KSR2: variants seen among roughly 807,000 people sequenced by gnomAD.
KSR2 encodes kinase suppressor of ras 2.
KSR2 carries 25 observed loss-of-function variants against 107.8 expected under a neutral mutation model. The observed-to-expected ratio is 0.23, with a 90% CI of 0.17 to 0.32. The LOEUF (loss-of-function observed/expected upper bound fraction) is 0.32, where lower values mean the gene tolerates loss of function less well. KSR2 is among the 10% of genes least tolerant of loss of function. The pLI is 1.00. For missense variants in KSR2, 887 were observed against 1,268.9 expected (o/e 0.70, Z 4.57); for synonymous variants, 480 against 507.0 (o/e 0.95, Z 0.71).
At chr12:117,794,005 CA>C (rs1890446509) in intron 3 of KSR2, among the ~76,000 whole-genome samples, 1 of 110,080 alleles carries the variant, frequency 9.1e-6, no homozygotes, top group Non-Finnish European at 1.8e-5. Flanking sequence ...CATGCACACA[CA>C]CCAACATGCA....
At chr12:117,803,029 C>CTAT in intron 3 of KSR2, among the ~76,000 whole-genome samples, 1 of 152,210 alleles carries the variant, frequency 6.6e-6, no homozygotes, top group East Asian at 1.9e-4. Flanking sequence ...TTTACCTGAT[C>CTAT]TATTTGATGA....
chr12:117,888,698 A>G (rs1256188687), intron 1 of KSR2, among the ~76,000 whole-genome samples: 6 of 152,204 alleles, frequency 3.9e-5, no homozygotes. Context: ...CATGCTGACA[A>G]CCTGGTCTTG....
chr12:117,911,728 C>T (rs562617385), intron 1 of KSR2, among the ~76,000 whole-genome samples: 1 of 152,306 alleles, frequency 6.6e-6, no homozygotes, highest in East Asian at 1.9e-4. Flanking sequence ...TTATGGCAGG[C>T]ATTCAATATA....
At chr12:117,671,210 T>G (rs545425188) in intron 4 of KSR2, among the ~76,000 whole-genome samples, 1 of 152,336 alleles carries the variant, frequency 6.6e-6, no homozygotes, top group Non-Finnish European at 1.5e-5. Context: ...CTTGATATCC[T>G]AATTCATTTC....
At chr12:117,553,856 T>C (rs1398535725) in intron 9 of KSR2, among the ~76,000 whole-genome samples, 2 of 149,430 alleles carry the variant, frequency 1.3e-5, no homozygotes, top group Non-Finnish European at 3.0e-5. Context: ...CCTCTCTCTC[T>C]CTCTCCCTCT....
intron 3 of KSR2, among the ~76,000 whole-genome samples, chr12:117,805,384 T>A (rs1202805649): frequency 6.6e-6 from 1 of 152,202 alleles, no homozygotes. Flanking sequence ...GAACACAGAT[T>A]CTACACTCGC....
Position 117,463,301 on chromosome 12 carries a change from C to G in KSR2, c.*3898G>C, listed in dbSNP as rs543112640. 1 of 152,272 alleles carries G rather than the reference C, an allele frequency of 6.6e-6. No homozygotes were observed. Among genetic ancestry groups the G allele is most frequent in the African/African-American group, 2.4e-5 (1 of 41,460 alleles). The allele number at this position is 152,272 out of a possible 1,614,324, so 9.4% of individuals were successfully genotyped here. A position where few individuals can be genotyped will look rare whatever the true frequency, so the allele number is the denominator to read the frequency against. ...CTTCCGCTGAAACAAGTTCTCTCCC[C>G]CTCCAACTTCCTGTTCCTCCCCTGA... On this transcript the variant is annotated 3_prime_UTR_variant, in exon 20 of 20. Transcript: ENST00000339824.
chr12:117,694,547 C>T (rs1242974383), intron 4 of KSR2, among the ~76,000 whole-genome samples: 1 of 152,172 alleles, frequency 6.6e-6, no homozygotes, highest in East Asian at 1.9e-4. Context: ...ATGATCCAGC[C>T]ATCCCACTTC....
chr12:117,939,660 C>A (rs937815249), intron 1 of KSR2, among the ~76,000 whole-genome samples: 1 of 151,826 alleles, frequency 6.6e-6, no homozygotes, highest in African/African-American at 2.4e-5. Context: ...TGCAGTGAGC[C>A]GAGATAGTGC....
At chr12:117,913,018 G>T (rs544917546) in intron 1 of KSR2, among the ~76,000 whole-genome samples, 1 of 152,282 alleles carries the variant, frequency 6.6e-6, no homozygotes, top group Admixed American at 6.5e-5. Flanking sequence ...TCTCCAGCAG[G>T]CCCAGAGGTG....
chr12:117,646,409 A>G (rs1402082029), intron 5 of KSR2, among the ~76,000 whole-genome samples: 1 of 152,162 alleles, frequency 6.6e-6, no homozygotes, highest in Non-Finnish European at 1.5e-5. Flanking sequence ...ACTTACATCA[A>G]TTAGTCCCAT....
intron 5 of KSR2, among the ~76,000 whole-genome samples, chr12:117,603,461 A>G (rs917474865): frequency 6.6e-6 from 1 of 152,278 alleles, no homozygotes. Context: ...AGGTTTTCAG[A>G]GTTGATGAGT....
In KSR2 at chr12:117,842,210, G is replaced by A. The variant is rs1892517905; in HGVS notation, c.472+13218C>T. Among the ~76,000 whole-genome samples, 1 of 152,222 alleles carries A rather than the reference G, an allele frequency of 6.6e-6. No homozygotes were observed. Among genetic ancestry groups the A allele is most frequent in the South Asian group, 2.1e-4 (1 of 4,824 alleles). On this transcript the variant is annotated intron_variant, in intron 3 of 19. Coordinates refer to ENST00000339824, the MANE Select transcript of KSR2 (RefSeq NM_173598.6). This position sits in a 1 kb window ranked among gnomAD's most constrained non-coding sequence, Gnocchi z 4.2. ...CCACTGTTCTTGTGGAAAGGGGTAT[G>A]AAAATAAACAAAATCATTTTAGATA...
intron 4 of KSR2, among the ~76,000 whole-genome samples, chr12:117,674,553 C>T (rs1240603382): frequency 6.6e-6 from 1 of 152,146 alleles, no homozygotes; most frequent in African/African-American, 2.4e-5. Flanking sequence ...AGCTTTCTCG[C>T]TCTATGGATT....
intron 1 of KSR2, among the ~76,000 whole-genome samples, chr12:117,962,810 AT>A (rs938980715): frequency 6.6e-6 from 1 of 152,102 alleles, no homozygotes; most frequent in Non-Finnish European, 1.5e-5. Flanking sequence ...CAAAAAAAAA[AT>A]CAAAAGAAAA....
chr12:117,614,116 TA>T, intron 5 of KSR2, among the ~76,000 whole-genome samples: 1 of 152,178 alleles, frequency 6.6e-6, no homozygotes, highest in East Asian at 1.9e-4. Context: ...GTACTGATAC[TA>T]AAAAATATAT....
intron 1 of KSR2, among the ~76,000 whole-genome samples, chr12:117,877,600 C>T (rs1386667184): frequency 6.6e-6 from 1 of 152,076 alleles, no homozygotes; most frequent in African/African-American, 2.4e-5. Context: ...TTGTCATATG[C>T]ACTCTAAGGG....
chr12:117,776,459 A>G (rs1045116167), intron 3 of KSR2, among the ~76,000 whole-genome samples: 1 of 152,186 alleles, frequency 6.6e-6, no homozygotes, highest in African/African-American at 2.4e-5. Context: ...TAAAATTATA[A>G]ACTGCAGCCC....
At chr12:117,678,039 G>A (rs910744453) in intron 4 of KSR2, among the ~76,000 whole-genome samples, 7 of 151,282 alleles carry the variant, frequency 4.6e-5, no homozygotes, top group African/African-American at 1.5e-4. Context: ...GGTTCAACTC[G>A]TTCTTCTGCC....
Sources: allele counts gnomAD v4.1 joint callset (sites outside exome capture counted in the v4.1 genomes callset), GRCh38; gene constraint gnomAD v4.1.1; non-coding constraint Gnocchi (gnomAD v3.1); transcripts MANE v1.5; gene names NCBI Gene and HGNC (gene_info 2026-07-23, HGNC 2026-07-21).